DNAH11: variants seen among roughly 807,000 people sequenced by gnomAD.
The protein encoded by DNAH11 is dynein axonemal heavy chain 11, also known as axonemal beta dynein heavy chain 11.
A neutral mutation model predicts 526.0 loss-of-function variants in DNAH11; 442 were observed. The observed-to-expected ratio is 0.84, with a 90% CI of 0.78 to 0.91. The LOEUF is 0.91. DNAH11 is among the 40% of genes least tolerant of loss of function. The pLI is 0.00. For synonymous variants in DNAH11, 2,461 were observed against 1,935.9 expected (o/e 1.27, Z -7.12); for missense variants, 6,989 against 5,448.7 (o/e 1.28, Z -8.90).
At chr7:21,897,538 C>G (rs12700324) in intron 79 of DNAH11, among the ~76,000 whole-genome samples, 1 of 152,094 alleles carries the variant, frequency 6.6e-6, no homozygotes, top group East Asian at 1.9e-4. Flanking sequence ...TGATTACTCT[C>G]TACCAAATTT....
chr7:21,640,505 A>ATTTTTTTTTTTTTTTT (rs1189441913), intron 28 of DNAH11, among the ~76,000 whole-genome samples: 1 of 143,608 alleles, frequency 7.0e-6, no homozygotes, highest in African/African-American at 3.0e-5. Flanking sequence ...GTAGGTAAGC[A>ATTTTTTTTTTTTTTTT]TTCTTTTTCT....
chr7:21,591,265 T>C lies in DNAH11; in HGVS notation c.2355T>C (p.Ile785=). 6.2e-7 allele frequency: 1 copy of C among 1,607,410 alleles called. No homozygotes were observed. The part of the protein sequence containing the change: ...QTLLEVEYPL[I]EDELRAIDEQ... ...TCCTGGAAGTTGAATACCCTCTGAT[T>C]GAAGATGAGCTGAGGGCTATTGACG... The change falls in exon 14 of 82, where the codon ATT becomes ATC. Residue 785 remains isoleucine, a synonymous_variant. Transcript: ENST00000409508.
intron 2 of DNAH11, among the ~76,000 whole-genome samples, chr7:21,548,403 G>C (rs1239765593): frequency 6.6e-6 from 1 of 152,116 alleles, no homozygotes; most frequent in Non-Finnish European, 1.5e-5. Context: ...ATTAATAGTT[G>C]ACCACCAAAA....
At chr7:21,849,102 C>G (rs960137871) in intron 66 of DNAH11, among the ~76,000 whole-genome samples, 3 of 152,228 alleles carry the variant, frequency 2.0e-5, no homozygotes, top group South Asian at 4.1e-4. Context: ...TCAGGCTAGT[C>G]TCAAACTCCT....
At chr7:21,674,220 T>A (rs1782767297) in intron 30 of DNAH11, among the ~76,000 whole-genome samples, 1 of 151,970 alleles carries the variant, frequency 6.6e-6, no homozygotes, top group African/African-American at 2.4e-5. Flanking sequence ...CATGCCCAGC[T>A]AATTTTTGTA....
chr7:21,883,095 G>A (rs111774554), intron 75 of DNAH11, among the ~76,000 whole-genome samples: 3,851 of 152,286 alleles, frequency 0.025, 81 homozygotes, highest in Non-Finnish European at 0.035. Flanking sequence ...CCTCAACCCA[G>A]CTTAAAAGAC....
chr7:21,563,429 G>C (rs865993113), intron 5 of DNAH11, among the ~76,000 whole-genome samples: 2 of 152,000 alleles, frequency 1.3e-5, no homozygotes, highest in African/African-American at 4.8e-5. Context: ...GGCTGGTTTC[G>C]AATTCCTAGA....
Position 21,805,982 on chromosome 7 carries a change from C to G in DNAH11, c.10166-1901C>G, listed in dbSNP as rs759540586. Among the ~76,000 whole-genome samples, 4 of 152,138 alleles carry G rather than the reference C, an allele frequency of 2.6e-5. No individual in the cohort carries two copies. In the South Asian group the frequency reaches 8.3e-4, roughly 32 times the overall value. ...CAGGCAATTTATATTTAATCATTAACTAACTCCTGAGCTGAGCAGCTGTTC... is the reference window on the plus strand; with the variant it reads ...CAGGCAATTTATATTTAATCATTAAGTAACTCCTGAGCTGAGCAGCTGTTC... On this transcript the variant is annotated intron_variant, in intron 62 of 81. Transcript: ENST00000409508.
chr7:21,691,202 G>T, intron 35 of DNAH11, among the ~76,000 whole-genome samples: 1 of 144,222 alleles, frequency 6.9e-6, no homozygotes, highest in African/African-American at 2.6e-5. Flanking sequence ...AACAGTCAAA[G>T]TGCATTTTAT....
chr7:21,708,107 C>T (rs1456022362), intron 40 of DNAH11, among the ~76,000 whole-genome samples: 1 of 152,126 alleles, frequency 6.6e-6, no homozygotes, highest in Non-Finnish European at 1.5e-5. Flanking sequence ...GGAGTGAAGT[C>T]AACATGAATG....
chr7:21,559,584 ATTATC>A lies in DNAH11; in HGVS notation c.693-15_693-11del, dbSNP rs1480236311. 4.5e-6 allele frequency: 7 copies of A among 1,550,840 alleles called. No individual in the cohort carries two copies. Among genetic ancestry groups the A allele is most frequent in the African/African-American group, 1.4e-5 (1 of 72,322 alleles). ...AAATGATTCATCTTTGAATTATTTT[ATTATC>A]TTAATGTTTGTAGGCCACCGTCAAA... is the stretch of plus-strand genomic sequence containing the variant. On this transcript the variant is annotated splice_polypyrimidine_tract_variant and intron_variant, in intron 3 of 81. Transcript: ENST00000409508.
intron 25 of DNAH11, among the ~76,000 whole-genome samples, chr7:21,634,652 G>T (rs979999044): frequency 1.3e-5 from 2 of 152,056 alleles, no homozygotes; most frequent in Non-Finnish European, 2.9e-5. Flanking sequence ...TACACACTGG[G>T]GCCTAGTTGA....
At position 21,748,595 on chromosome 7, in the gene DNAH11, G is replaced by A; in HGVS notation, c.8526G>A (p.Arg2842=). The A allele has an allele frequency of 6.5e-7, 1 of 1,547,602 alleles. No homozygotes were observed. The highest frequency in any genetic ancestry group is 1.2e-5 in the South Asian group (1 of 80,138). Residue 2842 remains arginine, a synonymous_variant, in exon 52 of 82, where the codon CGG becomes CGA. Transcript: ENST00000409508. ...DAMQHVCRIS[R]ILRTPQGCAL... ...CTTTCCTCAGGTGTCGCATCAGCCG[G>A]ATCTTACGAACCCCTCAGGGCTGTG...
intron 45 of DNAH11, among the ~76,000 whole-genome samples, chr7:21,735,401 G>A (rs1167256462): frequency 6.6e-6 from 1 of 152,088 alleles, no homozygotes. Context: ...TTTACTTTAT[G>A]GTACTTTGAT....
chr7:21,589,468 T>C, intron 12 of DNAH11, 65 bp downstream of exon 12: 1 of 1,315,942 alleles, frequency 7.6e-7, no homozygotes. Flanking sequence ...ATTTCTGATA[T>C]TTCCAGTCAT....
At chr7:21,756,640 C>T (rs991880862) in intron 54 of DNAH11, among the ~76,000 whole-genome samples, 1 of 151,998 alleles carries the variant, frequency 6.6e-6, no homozygotes, top group African/African-American at 2.4e-5. Context: ...ACACTGTTTT[C>T]CTTGTTATAA....
Position 21,784,450 on chromosome 7 carries a change from G to A in DNAH11, c.9507G>A (p.Val3169=), listed in dbSNP as rs1024275495. ...AGGTGACAGCCATTCAGACTGAAGTGTTCCAGAAACAGAGAGAATGTGAAG... is the reference window on the plus strand; with the variant it reads ...AGGTGACAGCCATTCAGACTGAAGTATTCCAGAAACAGAGAGAATGTGAAG... ...ERKVTAIQTE[V]FQKQRECEAD... Residue 3169 remains valine (V), a synonymous_variant, in exon 58 of 82, where the codon GTG becomes GTA. Coordinates refer to ENST00000409508, the MANE Select transcript of DNAH11 (RefSeq NM_001277115.2). 1.2e-6 allele frequency: 2 copies of A among 1,613,384 alleles called. No homozygotes were observed. Among genetic ancestry groups the A allele is most frequent in the African/African-American group, 2.7e-5 (2 of 75,024 alleles).
chr7:21,660,378 C>T (rs1228992065), intron 30 of DNAH11, among the ~76,000 whole-genome samples: 1 of 151,962 alleles, frequency 6.6e-6, no homozygotes, highest in East Asian at 1.9e-4. Context: ...TTTCTACATG[C>T]ATATTCCTAC....
chr7:21,597,648 G>T (rs1264019526), intron 14 of DNAH11, among the ~76,000 whole-genome samples: 2 of 152,146 alleles, frequency 1.3e-5, no homozygotes. Flanking sequence ...AATGAGAACA[G>T]CAAGCGGGGG....
Sources: gnomAD v4.1 joint callset for allele counts (sites outside exome capture counted in the v4.1 genomes callset) on GRCh38, gnomAD v4.1.1 for gene constraint, MANE v1.5 for transcripts, NCBI Gene and HGNC (gene_info 2026-07-23, HGNC 2026-07-21) for gene names.